Variants in SH3KBP1 observed in about 807,000 individuals in gnomAD.
SH3KBP1 encodes SH3 domain containing kinase binding protein 1, also known as SH3 domain-containing kinase-binding protein 1.
Under a neutral mutation model 50.1 loss-of-function variants are expected in SH3KBP1, and 8 were observed. The observed-to-expected ratio is 0.16, with a 90% CI of 0.09 to 0.29. SH3KBP1 has a LOEUF of 0.29. Among genes scored for constraint, SH3KBP1 ranks in the 10% least tolerant of loss-of-function variants. The pLI is 1.00. For missense variants in SH3KBP1, 377 were observed against 535.2 expected, an observed-to-expected ratio of 0.70 and a Z score of 2.92; for synonymous variants, 227 against 218.6, an observed-to-expected ratio of 1.04 and a Z score of -0.34.
intron 2 of SH3KBP1, among the ~76,000 whole-genome samples, chrX:19,793,074 A>G (rs956660415): frequency 9.1e-6 from 1 of 109,447 alleles, no homozygotes; most frequent in African/African-American, 3.3e-5. Context: ...AGGTGGGAGG[A>G]TTACTTTAGC....
chrX:19,776,532 G>GTTTTTTTTTT (rs72090569), intron 2 of SH3KBP1, among the ~76,000 whole-genome samples: 507 of 25,679 alleles, frequency 0.02, 77 homozygotes, highest in African/African-American at 0.059. Context: ...TGACAACCTG[G>GTTTTTTTTTT]TTTTTTTTTT....
intron 8 of SH3KBP1, among the ~76,000 whole-genome samples, chrX:19,621,458 G>A (rs1001927379): frequency 3.6e-5 from 4 of 110,081 alleles, no homozygotes; most frequent in African/African-American, 1.3e-4. Context: ...AAATTAATCG[G>A]CTGGATTTTT....
chrX:19,595,025 C>T (rs370521348), intron 9 of SH3KBP1, 25 bp from the exon 10 acceptor site: 135 of 1,090,696 alleles, frequency 1.2e-4, no homozygotes, highest in Middle Eastern at 2.4e-4. Context: ...AAAATTATAC[C>T]ACATGAGATT....
intron 1 of SH3KBP1, among the ~76,000 whole-genome samples, chrX:19,885,095 G>A (rs2069552277): frequency 9.0e-6 from 1 of 110,818 alleles, no homozygotes; most frequent in Non-Finnish European, 1.9e-5. Context: ...TCCATCCTGG[G>A]CAACACAGCG....
At chrX:19,860,192 C>T (rs1440241444) in intron 1 of SH3KBP1, among the ~76,000 whole-genome samples, 2 of 107,158 alleles carry the variant, frequency 1.9e-5, no homozygotes, top group African/African-American at 6.8e-5. Context: ...TCACTTGAGC[C>T]CAGGAGTTCA....
intron 1 of SH3KBP1, among the ~76,000 whole-genome samples, chrX:19,879,299 C>T (rs138167749): frequency 2.7e-5 from 3 of 111,890 alleles, no homozygotes; most frequent in Non-Finnish European, 3.8e-5. Flanking sequence ...AAGAGCCTCA[C>T]GAGGGGAAGC....
chrX:19,713,889 C>T (rs1195922116), intron 3 of SH3KBP1, among the ~76,000 whole-genome samples: 2 of 111,942 alleles, frequency 1.8e-5, no homozygotes. Flanking sequence ...TTTAGCTCTT[C>T]ATGTTTACCT....
chrX:19,804,882 A>AACCCCCCCCCCCCCCCCCCCCCC (rs2066992308), intron 2 of SH3KBP1, among the ~76,000 whole-genome samples: 1 of 17,380 alleles, frequency 5.8e-5, no homozygotes, highest in Non-Finnish European at 9.6e-5. Context: ...CCCAAACCCT[A>AACCCCCCCCCCCCCCCCCCCCCC]CCCCCCCCCC....
chrX:19,828,867 G>A (rs977268447), intron 2 of SH3KBP1, among the ~76,000 whole-genome samples: 9 of 111,964 alleles, frequency 8.0e-5, no homozygotes, highest in Non-Finnish European at 1.5e-4. Flanking sequence ...ATTGGGTTCT[G>A]TGCATCAGGA....
intron 10 of SH3KBP1, among the ~76,000 whole-genome samples, chrX:19,592,654 G>C (rs986025117): frequency 1.5e-4 from 17 of 111,904 alleles, no homozygotes; most frequent in Non-Finnish European, 3.8e-5. Context: ...ATGTGGGTGG[G>C]CCTGTGACTG....
intron 6 of SH3KBP1, among the ~76,000 whole-genome samples, chrX:19,670,026 C>T: frequency 9.1e-6 from 1 of 110,000 alleles, no homozygotes; most frequent in East Asian, 2.8e-4. Flanking sequence ...ATATGGAAGA[C>T]ATATGACACA....
At chrX:19,811,628 GT>G (rs1411217871) in intron 2 of SH3KBP1, among the ~76,000 whole-genome samples, 1 of 112,013 alleles carries the variant, frequency 8.9e-6, no homozygotes, top group African/African-American at 3.3e-5. Context: ...TTTAAACATG[GT>G]TTTAATGTTA....
intron 2 of SH3KBP1, among the ~76,000 whole-genome samples, chrX:19,754,661 G>A (rs957603411): frequency 9.0e-6 from 1 of 111,309 alleles, no homozygotes; most frequent in Admixed American, 9.5e-5. Flanking sequence ...TAAAGACCCA[G>A]TTTCACCATG....
intron 5 of SH3KBP1, 86 bp from the exon 6 acceptor site, chrX:19,684,114 C>T: frequency 1.3e-6 from 1 of 746,723 alleles, no homozygotes; most frequent in Non-Finnish European, 2.0e-6. Context: ...CAGGAACCAC[C>T]TCTAAAAGTG....
chrX:19,550,385 G>C (rs891104805), intron 13 of SH3KBP1, among the ~76,000 whole-genome samples: 2 of 111,580 alleles, frequency 1.8e-5, no homozygotes, highest in Admixed American at 1.9e-4. Flanking sequence ...ATTAGAGGAA[G>C]AATCCTCTTT....
At chrX:19,814,007 T>C (rs1417821619) in intron 2 of SH3KBP1, among the ~76,000 whole-genome samples, 1 of 111,369 alleles carries the variant, frequency 9.0e-6, no homozygotes, top group Non-Finnish European at 1.9e-5. Context: ...CAGAGGTGGT[T>C]CTGTGGTGGG....
intron 12 of SH3KBP1, among the ~76,000 whole-genome samples, chrX:19,588,102 A>G (rs1383395533): frequency 8.9e-6 from 1 of 111,852 alleles, no homozygotes; most frequent in Non-Finnish European, 1.9e-5. Flanking sequence ...ACATGCCTGC[A>G]TAAAGCATGT....
intron 4 of SH3KBP1, among the ~76,000 whole-genome samples, chrX:19,700,816 C>T (rs1479695728): frequency 8.9e-6 from 1 of 111,827 alleles, no homozygotes; most frequent in African/African-American, 3.3e-5. Context: ...ATATTTTCCC[C>T]TAATTCTTGT....
intron 4 of SH3KBP1, among the ~76,000 whole-genome samples, chrX:19,704,657 G>A (rs6633297): frequency 6.3e-5 from 7 of 111,950 alleles, no homozygotes; most frequent in Admixed American, 4.7e-4. Flanking sequence ...GTGCAGATTA[G>A]GTTTCAGGCA....
Sources: gnomAD v4.1 joint callset for allele counts (sites outside exome capture counted in the v4.1 genomes callset) on GRCh38, gnomAD v4.1.1 for gene constraint, MANE v1.5 for transcripts, NCBI Gene and HGNC (gene_info 2026-07-23, HGNC 2026-07-21) for gene names.